Variants in E2F5 observed in about 807,000 individuals in gnomAD.
E2F5 encodes the protein E2F transcription factor 5.
In E2F5, 23 loss-of-function variants were observed where a neutral mutation model predicts 39.1. That is an observed-to-expected ratio of 0.59 (90% CI 0.42 to 0.83). E2F5 has a LOEUF of 0.83. Among genes scored for constraint, E2F5 ranks in the 40% least tolerant of loss-of-function variants. The probability of loss-of-function intolerance (pLI) is 0.00; values close to 1 mark genes in which losing one functional copy is unlikely to be tolerated. For synonymous variants in E2F5, 145 were observed against 157.8 expected (o/e 0.92, Z 0.61); for missense variants, 365 against 406.7 (o/e 0.90, Z 0.88).
rs188942225 is a variant in E2F5 at position 85,205,326 on chromosome 8, C to G, written c.507-851C>G. 1.6e-3 allele frequency among the ~76,000 whole-genome samples: 243 copies of G among 152,166 alleles called. 2 individuals are homozygous for G. Among genetic ancestry groups the G allele is most frequent in the Middle Eastern group, 6.8e-3 (2 of 294 alleles). The stretch of plus-strand genomic sequence containing the variant: ...TCTTGGCTCACTGCAACCTCCACCC[C>G]CCGGGTTTAAGCAATTCTTCTGCCT... On this transcript the variant is annotated intron_variant, in intron 3 of 7. Transcript: ENST00000416274.
intron 1 of E2F5, among the ~76,000 whole-genome samples, chr8:85,191,629 G>C (rs917863109): frequency 2.6e-5 from 4 of 152,130 alleles, no homozygotes; most frequent in African/African-American, 9.7e-5. Flanking sequence ...GTTAGCAATG[G>C]AAACTAAGGG....
In E2F5 at chr8:85,214,211, T is replaced by C. The variant is rs755600082; in HGVS notation, c.*349T>C. On this transcript the variant is annotated 3_prime_UTR_variant, in exon 8 of 8. Transcript: ENST00000416274. ...CATCAAAAACAAGTTGGCCAAGGACTCATTACTTGTCTTATATTTTTACTG... is the reference window on the plus strand; with the variant it reads ...CATCAAAAACAAGTTGGCCAAGGACCCATTACTTGTCTTATATTTTTACTG... 1.9e-5 allele frequency: 10 copies of C among 538,166 alleles called. 1 individual carries two copies. The Middle Eastern group carries it at 8.6e-4, about 46-fold the overall frequency. 33.3% of individuals were successfully genotyped at this position (538,166 alleles called of 1,614,324 possible). A position where few individuals can be genotyped will look rare whatever the true frequency, so the allele number is the denominator to read the frequency against.
chr8:85,213,670 G>C (rs1813008658), intron 7 of E2F5, 83 bp from the exon 8 acceptor site: 1 of 678,356 alleles, frequency 1.5e-6, no homozygotes, highest in Admixed American at 2.6e-5. Context: ...AATTTGGAAT[G>C]ATGTATTTGA....
chr8:85,211,652 T>G (rs1587502814), intron 6 of E2F5, among the ~76,000 whole-genome samples: 2 of 136,006 alleles, frequency 1.5e-5, no homozygotes, highest in African/African-American at 5.6e-5. Flanking sequence ...TGTTTTTTTT[T>G]TTTTTTTTTT....
At chr8:85,201,832 TTAG>T (rs1812703599) in intron 1 of E2F5, 1 of 301,092 alleles carries the variant, frequency 3.3e-6, no homozygotes, top group Non-Finnish European at 6.1e-6. Flanking sequence ...GGATAGGCAA[TTAG>T]TAGCTCCTCC....
chr8:85,187,316 A>G (rs1812364123), intron 1 of E2F5, among the ~76,000 whole-genome samples: 1 of 152,120 alleles, frequency 6.6e-6, no homozygotes, highest in South Asian at 2.1e-4. Flanking sequence ...CATTTGATCT[A>G]GAGTATAGTT....
intron 1 of E2F5, among the ~76,000 whole-genome samples, chr8:85,180,511 C>CATATATATATATATATAT (rs58188216): frequency 3.0e-4 from 24 of 80,844 alleles, no homozygotes; most frequent in East Asian, 5.6e-4. Flanking sequence ...AGAAACTATA[C>CATATATATATATATATAT]ATATATATAT....
intron 1 of E2F5, among the ~76,000 whole-genome samples, chr8:85,194,357 G>T (rs1812532760): frequency 6.6e-6 from 1 of 151,886 alleles, no homozygotes; most frequent in South Asian, 2.1e-4. Flanking sequence ...GAATTTTTTA[G>T]ATTATTTTAA....
At chr8:85,186,990 G>T (rs2136043593) in intron 1 of E2F5, among the ~76,000 whole-genome samples, 1 of 150,012 alleles carries the variant, frequency 6.7e-6, no homozygotes, top group African/African-American at 2.4e-5. Context: ...AACTGCTTTT[G>T]CTGTATTCCA....
intron 1 of E2F5, among the ~76,000 whole-genome samples, chr8:85,180,507 T>TATAC: frequency 4.6e-5 from 3 of 64,594 alleles, no homozygotes; most frequent in South Asian, 6.6e-4. Context: ...TTAAAGAAAC[T>TATAC]ATACATATAT....
intron 1 of E2F5, among the ~76,000 whole-genome samples, chr8:85,194,558 A>G (rs1322454629): frequency 7.4e-5 from 10 of 135,098 alleles, no homozygotes; most frequent in African/African-American, 2.5e-4. Context: ...TTTTTGAGAC[A>G]GAGTCTCACT....
At position 85,213,781 on chromosome 8, in the gene E2F5, C is replaced by A; in HGVS notation, c.960C>A (p.Thr320=). Reference sequence around the variant, plus strand: ...TTCCTCTCTTAAGGCTTTCTCCTACCCCGGCAGATGACTACAACTTTAATT... The same window carrying A: ...TTCCTCTCTTAAGGCTTTCTCCTACACCGGCAGATGACTACAACTTTAATT... ...DVFPLLRLSP[T]PADDYNFNLD... The change falls in exon 8 of 8, where the codon ACC becomes ACA. Residue 320 remains threonine (T), a synonymous_variant. Coordinates refer to ENST00000416274, the MANE Select transcript of E2F5 (RefSeq NM_001951.4). The A allele has an allele frequency of 1.2e-6, 2 of 1,612,680 alleles. No individual in the cohort carries two copies. The highest frequency in any genetic ancestry group is 1.7e-5 in the Admixed American group (1 of 59,936).
intron 1 of E2F5, among the ~76,000 whole-genome samples, chr8:85,196,009 T>C (rs895446642): frequency 6.6e-6 from 1 of 151,842 alleles, no homozygotes; most frequent in Non-Finnish European, 1.5e-5. Context: ...TTATTAAAAA[T>C]TTTTTTTTAA....
At chr8:85,202,284 G>A (rs769097275) in intron 2 of E2F5, 28 bp downstream of exon 2, 3 of 1,326,352 alleles carry the variant, frequency 2.3e-6, no homozygotes, top group Non-Finnish European at 3.1e-6. Flanking sequence ...ACCCTCTTCT[G>A]AAACCTTTTT....
At position 85,200,007 on chromosome 8, in the gene E2F5, G is replaced by A. The variant is rs113434249; in HGVS notation, c.235-2140G>A. 5.7e-3 allele frequency among the ~76,000 whole-genome samples: 861 copies of A among 152,218 alleles called. 10 individuals carry two copies. Among genetic ancestry groups the A allele is most frequent in the African/African-American group, 0.02 (811 of 41,512 alleles). On this transcript the variant is annotated intron_variant, in intron 1 of 7. Transcript: ENST00000416274. ...CACACTTGTAATCTCAGCACTTTGGGAGGTCGAGGTGGGTGGATCATCTGG... is the reference window on the plus strand; with the variant it reads ...CACACTTGTAATCTCAGCACTTTGGAAGGTCGAGGTGGGTGGATCATCTGG...
chr8:85,208,518 A>T (rs1812845463), intron 5 of E2F5, among the ~76,000 whole-genome samples: 1 of 152,218 alleles, frequency 6.6e-6, no homozygotes, highest in South Asian at 2.1e-4. Flanking sequence ...TCAGATTTTT[A>T]AAAACAAACT....
At chr8:85,199,408 A>G (rs1449856231) in intron 1 of E2F5, among the ~76,000 whole-genome samples, 2 of 152,026 alleles carry the variant, frequency 1.3e-5, no homozygotes, top group African/African-American at 4.8e-5. Context: ...CTCCAAACAT[A>G]ATTATTTGTA....
intron 1 of E2F5, among the ~76,000 whole-genome samples, chr8:85,196,610 A>T (rs1812586261): frequency 6.6e-6 from 1 of 152,248 alleles, no homozygotes; most frequent in African/African-American, 2.4e-5. Flanking sequence ...ATTTGAAATC[A>T]TATAAGTCCA....
intron 1 of E2F5, among the ~76,000 whole-genome samples, chr8:85,180,116 G>T (rs1191178357): frequency 6.6e-6 from 1 of 151,972 alleles, no homozygotes; most frequent in Non-Finnish European, 1.5e-5. Flanking sequence ...CACCTCCCGG[G>T]TTCAAGCGAT....
Sources: gnomAD v4.1 joint callset for allele counts (sites outside exome capture counted in the v4.1 genomes callset) on GRCh38, gnomAD v4.1.1 for gene constraint, MANE v1.5 for transcripts, NCBI Gene and HGNC (gene_info 2026-07-23, HGNC 2026-07-21) for gene names.